CHSY3: variants seen among roughly 807,000 people sequenced by gnomAD.
CHSY3 encodes chondroitin sulfate synthase 3.
Under a neutral mutation model 67.2 loss-of-function variants are expected in CHSY3, and 35 were observed. That is an observed-to-expected ratio of 0.52 (90% CI 0.40 to 0.69). The LOEUF is 0.69. Among genes scored for constraint, CHSY3 ranks in the 30% least tolerant of loss-of-function variants. The probability of loss-of-function intolerance (pLI) is 0.00; values close to 1 mark genes in which losing one functional copy is unlikely to be tolerated. For missense variants in CHSY3, 1,069 were observed against 1,138.5 expected (o/e 0.94, Z 0.88); for synonymous variants, 474 against 434.7 (o/e 1.09, Z -1.12).
At chr5:129,943,105 G>A (rs1761746712) in intron 2 of CHSY3, among the ~76,000 whole-genome samples, 1 of 152,078 alleles carries the variant, frequency 6.6e-6, no homozygotes, top group African/African-American at 2.4e-5. Flanking sequence ...TTCAGTAGTA[G>A]TATGCATATT....
chr5:130,164,028 CG>C (rs1362394030), intron 2 of CHSY3, among the ~76,000 whole-genome samples: 1 of 152,100 alleles, frequency 6.6e-6, no homozygotes, highest in Non-Finnish European at 1.5e-5. Context: ...TTCAAGTGAA[CG>C]ACTACTTGGA....
intron 2 of CHSY3, among the ~76,000 whole-genome samples, chr5:130,146,374 T>C (rs1769074296): frequency 1.3e-5 from 2 of 152,250 alleles, no homozygotes; most frequent in African/African-American, 4.8e-5. Context: ...CTGCATGATC[T>C]CACTCATACG....
chr5:129,917,762 G>A (rs2149580499), intron 2 of CHSY3, among the ~76,000 whole-genome samples: 1 of 152,270 alleles, frequency 6.6e-6, no homozygotes, highest in East Asian at 1.9e-4. Context: ...CATTCAGAGT[G>A]GTTCCTGACA....
chr5:130,086,480 G>A (rs541072233), intron 2 of CHSY3, among the ~76,000 whole-genome samples: 4 of 151,644 alleles, frequency 2.6e-5, no homozygotes, highest in Non-Finnish European at 5.9e-5. Context: ...TTCCTCCATC[G>A]TTTTATTTTG....
At chr5:130,170,618 A>C (rs934150863) in intron 2 of CHSY3, among the ~76,000 whole-genome samples, 1 of 152,096 alleles carries the variant, frequency 6.6e-6, no homozygotes, top group Non-Finnish European at 1.5e-5. Flanking sequence ...GTGTATGAGC[A>C]TTCCATTTTA....
At chr5:129,932,364 T>C (rs1479907698) in intron 2 of CHSY3, among the ~76,000 whole-genome samples, 1 of 151,948 alleles carries the variant, frequency 6.6e-6, no homozygotes, top group Admixed American at 6.6e-5. Context: ...AGACTTTCAA[T>C]TGATTGGATG....
At position 130,104,308 on chromosome 5, in the gene CHSY3, T is replaced by C. The variant is rs545785837; in HGVS notation, c.1087-79921T>C. On this transcript the variant is annotated intron_variant, in intron 2 of 2. Transcript: ENST00000305031. ...TTAGCACATCTCAGCCGTGATGTTT[T>C]CTCATGGGAATCCTTTCTCACCGAA... Among the ~76,000 whole-genome samples, 13 of 152,048 alleles carry C rather than the reference T, an allele frequency of 8.5e-5. No individual in the cohort carries two copies. The South Asian group carries it at 2.5e-3, about 29-fold the overall frequency.
intron 2 of CHSY3, among the ~76,000 whole-genome samples, chr5:130,081,769 G>T (rs1273624789): frequency 1.3e-5 from 2 of 152,002 alleles, no homozygotes; most frequent in Admixed American, 6.6e-5. Flanking sequence ...CTGTGTGATT[G>T]GGAGGCCTCC....
intron 2 of CHSY3, among the ~76,000 whole-genome samples, chr5:130,137,013 T>C (rs1768685864): frequency 6.6e-6 from 1 of 152,144 alleles, no homozygotes; most frequent in African/African-American, 2.4e-5. Context: ...TATCAGATGT[T>C]CAAAACTGTT....
At chr5:130,151,173 T>C (rs901758175) in intron 2 of CHSY3, among the ~76,000 whole-genome samples, 1 of 152,236 alleles carries the variant, frequency 6.6e-6, no homozygotes, top group Non-Finnish European at 1.5e-5. Flanking sequence ...TGCTGATTTG[T>C]TGTGATCCAC....
At chr5:130,087,019 A>G (rs1001794526) in intron 2 of CHSY3, among the ~76,000 whole-genome samples, 5 of 152,160 alleles carry the variant, frequency 3.3e-5, no homozygotes, top group African/African-American at 1.2e-4. Flanking sequence ...CTTATCCACC[A>G]TGATCAAGTG....
chr5:130,151,500 C>A (rs1358411851), intron 2 of CHSY3, among the ~76,000 whole-genome samples: 1 of 152,196 alleles, frequency 6.6e-6, no homozygotes, highest in Non-Finnish European at 1.5e-5. Context: ...GTGCTGGGAA[C>A]GTGGCTGTTG....
At chr5:130,178,253 A>ATATATTT (rs1205782386) in intron 2 of CHSY3, among the ~76,000 whole-genome samples, 54 of 45,906 alleles carry the variant, frequency 1.2e-3, no homozygotes, top group African/African-American at 1.4e-3. Context: ...ATATATATAT[A>ATATATTT]TTTTTTTTTT....
At chr5:130,133,353 G>A (rs757309691) in intron 2 of CHSY3, among the ~76,000 whole-genome samples, 6 of 152,040 alleles carry the variant, frequency 3.9e-5, no homozygotes, top group Non-Finnish European at 8.8e-5. Context: ...CATGACTACC[G>A]GGTAGCCATG....
At chr5:130,086,475 C>T (rs950405419) in intron 2 of CHSY3, among the ~76,000 whole-genome samples, 3 of 151,984 alleles carry the variant, frequency 2.0e-5, no homozygotes, top group Non-Finnish European at 4.4e-5. Flanking sequence ...AGATCTTCCT[C>T]CATCGTTTTA....
At chr5:129,927,336 T>G (rs1039215965) in intron 2 of CHSY3, among the ~76,000 whole-genome samples, 1 of 152,028 alleles carries the variant, frequency 6.6e-6, no homozygotes, top group African/African-American at 2.4e-5. Flanking sequence ...ATTACATTTT[T>G]CTTAAAAAAA....
chr5:130,014,531 A>G (rs906685666), intron 2 of CHSY3, among the ~76,000 whole-genome samples: 2 of 152,136 alleles, frequency 1.3e-5, no homozygotes, highest in South Asian at 4.1e-4. Context: ...TAACCATCAG[A>G]TCTTGTGAGA....
At chr5:129,984,447 G>C (rs1355420713) in intron 2 of CHSY3, among the ~76,000 whole-genome samples, 1 of 152,078 alleles carries the variant, frequency 6.6e-6, no homozygotes, top group Non-Finnish European at 1.5e-5. Context: ...CATATAGGTT[G>C]ATTCCACATC....
intron 2 of CHSY3, among the ~76,000 whole-genome samples, chr5:130,030,150 T>A (rs1764664808): frequency 6.6e-6 from 1 of 152,140 alleles, no homozygotes. Context: ...TTGTCTATAT[T>A]TAACCACAAT....
Sources: gnomAD v4.1 joint callset for allele counts (sites outside exome capture counted in the v4.1 genomes callset) on GRCh38, gnomAD v4.1.1 for gene constraint, MANE v1.5 for transcripts, NCBI Gene and HGNC (gene_info 2026-07-23, HGNC 2026-07-21) for gene names.